MARCHF1: variants seen among roughly 807,000 people sequenced by gnomAD.
MARCHF1 encodes the protein E3 ubiquitin-protein ligase MARCHF1.
Under a neutral mutation model 54.2 loss-of-function variants are expected in MARCHF1, and 40 were observed. That is an observed-to-expected ratio of 0.74 (90% CI 0.57 to 0.96). The LOEUF (loss-of-function observed/expected upper bound fraction) is 0.96. Among genes scored for constraint, MARCHF1 ranks in the 40% least tolerant of loss-of-function variants. The pLI is 0.00. For missense variants in MARCHF1, 586 were observed against 656.5 expected, an observed-to-expected ratio of 0.89 and a Z score of 1.17; for synonymous variants, 236 against 236.3, an observed-to-expected ratio of 1.00 and a Z score of 0.01.
At chr4:164,167,766 A>T (rs1193115549) in intron 1 of MARCHF1, among the ~76,000 whole-genome samples, 1 of 151,862 alleles carries the variant, frequency 6.6e-6, no homozygotes, top group Admixed American at 6.6e-5. Flanking sequence ...ACCACACAAA[A>T]ATCAATGCAA....
intron 4 of MARCHF1, among the ~76,000 whole-genome samples, chr4:163,782,617 A>G (rs1747497866): frequency 6.8e-6 from 1 of 147,892 alleles, no homozygotes; most frequent in African/African-American, 2.5e-5. Context: ...TGCAGGGAGC[A>G]GAGATAGTGC....
chr4:164,245,431 G>A, intron 1 of MARCHF1, among the ~76,000 whole-genome samples: 1 of 152,138 alleles, frequency 6.6e-6, no homozygotes. Flanking sequence ...AATAAATTAG[G>A]TATTGATGGG....
At chr4:164,285,888 C>G (rs1734135962) in intron 1 of MARCHF1, among the ~76,000 whole-genome samples, 1 of 135,884 alleles carries the variant, frequency 7.4e-6, no homozygotes, top group Admixed American at 7.5e-5. Context: ...TTAATGATAA[C>G]TAATGCCATA....
intron 4 of MARCHF1, among the ~76,000 whole-genome samples, chr4:163,753,170 T>G (rs555381532): frequency 6.6e-6 from 1 of 152,294 alleles, no homozygotes; most frequent in East Asian, 1.9e-4. Flanking sequence ...TGGATTAGGA[T>G]ACTATGAGGT....
chr4:163,989,506 T>C (rs1752934695), intron 2 of MARCHF1, among the ~76,000 whole-genome samples: 1 of 152,136 alleles, frequency 6.6e-6, no homozygotes, highest in Non-Finnish European at 1.5e-5. Flanking sequence ...GAAATATATG[T>C]TTGAATTACT....
At chr4:163,651,527 T>C (rs989748188) in intron 5 of MARCHF1, among the ~76,000 whole-genome samples, 2 of 79,706 alleles carry the variant, frequency 2.5e-5, no homozygotes, top group Non-Finnish European at 4.9e-5. Context: ...GTACCATACT[T>C]TTTTTTTTTT....
chr4:164,268,987 A>G (rs1377373130), intron 1 of MARCHF1, among the ~76,000 whole-genome samples: 2 of 152,138 alleles, frequency 1.3e-5, no homozygotes, highest in African/African-American at 4.8e-5. Flanking sequence ...TATCTTTTAT[A>G]CTCACTACAA....
chr4:163,789,484 C>T (rs1001843676), intron 4 of MARCHF1, among the ~76,000 whole-genome samples: 23 of 151,812 alleles, frequency 1.5e-4, no homozygotes, highest in Admixed American at 4.6e-4. Flanking sequence ...TGCACTTGCA[C>T]CCCTGAACTT....
At chr4:164,189,029 A>G (rs550049702) in intron 1 of MARCHF1, 22 of 692,212 alleles carry the variant, frequency 3.2e-5, no homozygotes, top group Middle Eastern at 3.3e-4. Flanking sequence ...GGAGGGGGAG[A>G]AGACATCCTG....
chr4:163,628,247 G>C (rs915385593), intron 5 of MARCHF1, among the ~76,000 whole-genome samples: 3 of 152,062 alleles, frequency 2.0e-5, no homozygotes, highest in African/African-American at 7.2e-5. Flanking sequence ...CTAAAGATTT[G>C]AGTAGCCATT....
intron 8 of MARCHF1, among the ~76,000 whole-genome samples, chr4:163,548,431 A>G (rs1163745637): frequency 1.3e-5 from 2 of 152,226 alleles, no homozygotes; most frequent in Non-Finnish European, 2.9e-5. Flanking sequence ...GAACACTATT[A>G]AAAAGTAAGG....
rs890641616 is a variant in MARCHF1 at position 164,147,266 on chromosome 4, G to A, written c.-322-35604C>T. Among the ~76,000 whole-genome samples the A allele has an allele frequency of 9.5e-5, 14 of 147,606 alleles. 1 individual carries two copies. The highest frequency in any genetic ancestry group is 2.0e-4 in the Admixed American group (3 of 14,848). ...CAACCATTGTGGAAGTCAGTGTGGCGATTCCTCAGGGATCTAGAACTGGAA... is the reference window on the plus strand; with the variant it reads ...CAACCATTGTGGAAGTCAGTGTGGCAATTCCTCAGGGATCTAGAACTGGAA... On this transcript the variant is annotated intron_variant, in intron 1 of 9. Transcript: ENST00000514618.
At chr4:164,122,411 T>G (rs1756087707) in intron 1 of MARCHF1, among the ~76,000 whole-genome samples, 1 of 152,106 alleles carries the variant, frequency 6.6e-6, no homozygotes, top group Non-Finnish European at 1.5e-5. Context: ...GGCTCCATCT[T>G]TCCTTCTCTT....
In MARCHF1 at chr4:163,630,701, G is replaced by C. The variant is rs528756118; in HGVS notation, c.163-17308C>G. On this transcript the variant is annotated intron_variant, in intron 5 of 9. Coordinates refer to ENST00000514618, the MANE Select transcript of MARCHF1 (RefSeq NM_001394959.1). ...CTATAGAAGCAAAGCATATTTCTAT[G>C]TTCAAGGTGAGATATTATTAATGTC... 3.9e-5 allele frequency among the ~76,000 whole-genome samples: 6 copies of C among 152,230 alleles called. No homozygotes were observed. The South Asian group carries it at 1.2e-3, about 32-fold the overall frequency.
chr4:163,613,832 A>T (rs532644091), intron 5 of MARCHF1, among the ~76,000 whole-genome samples: 2 of 152,170 alleles, frequency 1.3e-5, no homozygotes, highest in African/African-American at 4.8e-5. Context: ...TGAAGCTAAC[A>T]TCAAGGCCCC....
chr4:164,061,228 A>G (rs1754608623), intron 2 of MARCHF1, among the ~76,000 whole-genome samples: 1 of 152,136 alleles, frequency 6.6e-6, no homozygotes, highest in Admixed American at 6.5e-5. Context: ...TATTTCTATC[A>G]GTTCAGAAAC....
intron 2 of MARCHF1, among the ~76,000 whole-genome samples, chr4:164,013,730 A>G (rs570699601): frequency 9.0e-6 from 1 of 111,280 alleles, no homozygotes; most frequent in African/African-American, 2.9e-5. Context: ...ACGAAGTCAA[A>G]GTGCTGATGG....
At chr4:164,281,339 C>T (rs1196805666) in intron 1 of MARCHF1, among the ~76,000 whole-genome samples, 1 of 152,094 alleles carries the variant, frequency 6.6e-6, no homozygotes, top group Non-Finnish European at 1.5e-5. Context: ...AAAGGGCTTA[C>T]ATCAAAAGTC....
chr4:163,616,858 T>C (rs1023044387), intron 5 of MARCHF1, among the ~76,000 whole-genome samples: 29 of 152,140 alleles, frequency 1.9e-4, no homozygotes, highest in South Asian at 6.2e-4. Flanking sequence ...GAAATTTCTC[T>C]AAAATCTAAA....
Sources: allele counts gnomAD v4.1 joint callset (sites outside exome capture counted in the v4.1 genomes callset), GRCh38; gene constraint gnomAD v4.1.1; transcripts MANE v1.5; gene names NCBI Gene and HGNC (gene_info 2026-07-23, HGNC 2026-07-21).